PRDM5: variants seen among roughly 807,000 people sequenced by gnomAD.
PRDM5 encodes PR/SET domain 5.
In PRDM5, 56 loss-of-function variants were observed where a neutral mutation model predicts 81.2. The ratio of observed to expected loss-of-function variants is 0.69; its 90% CI spans 0.56 to 0.86. The LOEUF is 0.86. Among genes scored for constraint, PRDM5 ranks in the 40% least tolerant of loss-of-function variants. The pLI, the probability that PRDM5 is intolerant of heterozygous loss-of-function variation, is 0.00. For missense variants in PRDM5, 697 were observed against 770.1 expected, an observed-to-expected ratio of 0.91 and a Z score of 1.12; for synonymous variants, 267 against 256.4, an observed-to-expected ratio of 1.04 and a Z score of -0.39.
At chr4:120,684,678 A>T (rs763467872), downstream of PRDM5, among the ~76,000 whole-genome samples, 5 of 152,110 alleles carry the variant, frequency 3.3e-5, no homozygotes, top group Admixed American at 1.3e-4. Flanking sequence ...ATGATCCTGT[A>T]TTATAAAATG....
chr4:120,786,040 T>TA (rs1448889029), intron 10 of PRDM5, among the ~76,000 whole-genome samples: 8 of 152,228 alleles, frequency 5.3e-5, no homozygotes, highest in African/African-American at 4.8e-5. Flanking sequence ...TCATAAATGC[T>TA]AAAAAATCAA....
At chr4:120,796,506 A>G (rs4833181) in intron 10 of PRDM5, among the ~76,000 whole-genome samples, 30,271 of 152,164 alleles carry the variant, frequency 0.2, 3,668 homozygotes, top group Non-Finnish European at 0.28. Flanking sequence ...ATAAATGTGG[A>G]TAGATCAGTT....
At chr4:120,852,125 C>T (rs1047428481) in intron 3 of PRDM5, among the ~76,000 whole-genome samples, 2 of 152,062 alleles carry the variant, frequency 1.3e-5, no homozygotes, top group African/African-American at 2.4e-5. Flanking sequence ...TCTCTTCTTG[C>T]CTTATTTTCC....
In PRDM5 at chr4:120,879,728, G is replaced by C. The variant is rs573431393; in HGVS notation, c.178-26188C>G. Among the ~76,000 whole-genome samples the C allele has an allele frequency of 2.6e-5, 4 of 152,188 alleles. No homozygotes were observed. In the East Asian group the frequency reaches 7.7e-4, roughly 29 times the overall value. On this transcript the variant is annotated intron_variant, in intron 2 of 15. Coordinates refer to ENST00000264808, the MANE Select transcript of PRDM5 (RefSeq NM_018699.4). Reference sequence around the variant, plus strand: ...TAGTTAAGTTTTTGGGGAGTCAAAAGTTATACATCAATTTTCAACAGCACA... The same window carrying C: ...TAGTTAAGTTTTTGGGGAGTCAAAACTTATACATCAATTTTCAACAGCACA...
At chr4:120,890,706 A>C (rs868280703) in intron 2 of PRDM5, among the ~76,000 whole-genome samples, 2 of 152,200 alleles carry the variant, frequency 1.3e-5, no homozygotes, top group Non-Finnish European at 2.9e-5. Flanking sequence ...TTTGATTTGC[A>C]TATCTCTAAT....
At chr4:120,920,478 T>C (rs909899398) in intron 1 of PRDM5, among the ~76,000 whole-genome samples, 1 of 152,306 alleles carries the variant, frequency 6.6e-6, no homozygotes, top group African/African-American at 2.4e-5. Context: ...GGAAAATACC[T>C]AAGAATTGAG....
At chr4:120,785,405 G>T (rs1749639727) in intron 10 of PRDM5, among the ~76,000 whole-genome samples, 1 of 152,048 alleles carries the variant, frequency 6.6e-6, no homozygotes, top group Admixed American at 6.6e-5. Context: ...GTGAAACTGT[G>T]CGTACTTTCT....
At chr4:120,902,260 G>A (rs1441742715) in intron 2 of PRDM5, among the ~76,000 whole-genome samples, 1 of 152,188 alleles carries the variant, frequency 6.6e-6, no homozygotes, top group Non-Finnish European at 1.5e-5. Context: ...CATTCCACAG[G>A]TGCCAAAATG....
intron 3 of PRDM5, among the ~76,000 whole-genome samples, chr4:120,824,424 A>C (rs920246740): frequency 6.6e-6 from 1 of 152,176 alleles, no homozygotes; most frequent in South Asian, 2.1e-4. Flanking sequence ...AAGGGCTGAG[A>C]TCCTGCTTGT....
intron 3 of PRDM5, among the ~76,000 whole-genome samples, chr4:120,832,316 A>C (rs115991652): frequency 0.2 from 30,307 of 151,998 alleles, 3,682 homozygotes; most frequent in Non-Finnish European, 0.28. Flanking sequence ...CGTGAGAACT[A>C]AATCACTGTC....
chr4:120,853,335 A>T, intron 3 of PRDM5, 83 bp downstream of exon 3: 1 of 1,597,694 alleles, frequency 6.3e-7, no homozygotes, highest in Non-Finnish European at 8.6e-7. Flanking sequence ...ATTGGGAAAC[A>T]AATTTAAAAC....
intron 2 of PRDM5, among the ~76,000 whole-genome samples, chr4:120,871,836 T>C (rs374538196): frequency 3.3e-5 from 5 of 150,876 alleles, no homozygotes; most frequent in East Asian, 1.9e-4. Flanking sequence ...GTTGATAGGA[T>C]TGTAAAATAG....
At chr4:120,779,198 A>G (rs1009186528) in intron 12 of PRDM5, among the ~76,000 whole-genome samples, 1 of 152,158 alleles carries the variant, frequency 6.6e-6, no homozygotes, top group Non-Finnish European at 1.5e-5. Flanking sequence ...ACTCAAAAAT[A>G]TATCTATTAT....
chr4:120,733,470 T>C (rs909298245), intron 14 of PRDM5, among the ~76,000 whole-genome samples: 9 of 152,178 alleles, frequency 5.9e-5, no homozygotes, highest in Admixed American at 1.3e-4. Context: ...TTGTTCCTTT[T>C]CCTAGAAAAC....
intron 3 of PRDM5, among the ~76,000 whole-genome samples, chr4:120,841,754 AATTTC>A: frequency 6.6e-6 from 1 of 152,242 alleles, no homozygotes; most frequent in South Asian, 2.1e-4. Flanking sequence ...TTGTTAGTTT[AATTTC>A]CTCCTCTGGT....
chr4:120,765,578 A>G lies in PRDM5; in HGVS notation c.1538-10940T>C, dbSNP rs1166854507. Reference sequence around the variant, plus strand: ...GTTTCAGCATAGGAAGCCGGATGATAAATTACAGAGCTGCCCGCCAGGCAC... The same window carrying G: ...GTTTCAGCATAGGAAGCCGGATGATGAATTACAGAGCTGCCCGCCAGGCAC... On this transcript the variant is annotated intron_variant, in intron 13 of 15. Transcript: ENST00000264808. 9.2e-5 allele frequency among the ~76,000 whole-genome samples: 14 copies of G among 152,210 alleles called. 1 individual carries two copies. The highest frequency in any genetic ancestry group is 9.2e-4 in the Admixed American group (14 of 15,282).
At chr4:120,724,981 GA>G (rs756525835) in intron 14 of PRDM5, among the ~76,000 whole-genome samples, 1 of 152,112 alleles carries the variant, frequency 6.6e-6, no homozygotes, top group East Asian at 1.9e-4. Context: ...TAAAAATGCT[GA>G]AAAAACAGCT....
chr4:120,742,803 T>C (rs1008672838), intron 14 of PRDM5, among the ~76,000 whole-genome samples: 1 of 151,960 alleles, frequency 6.6e-6, no homozygotes, highest in Non-Finnish European at 1.5e-5. Context: ...CTACGTCTGA[T>C]TGGTGTACCT....
intron 14 of PRDM5, among the ~76,000 whole-genome samples, chr4:120,729,099 T>C (rs1384923975): frequency 2.6e-5 from 4 of 152,100 alleles, no homozygotes; most frequent in Non-Finnish European, 5.9e-5. Flanking sequence ...AAGCAGGAAG[T>C]GAAGAAAGAG....
Sources: allele counts gnomAD v4.1 joint callset (sites outside exome capture counted in the v4.1 genomes callset), GRCh38; gene constraint gnomAD v4.1.1; transcripts MANE v1.5; gene names NCBI Gene and HGNC (gene_info 2026-07-23, HGNC 2026-07-21).